ZNF487: variants seen among roughly 807,000 people sequenced by gnomAD.
The protein encoded by ZNF487 is KRAB domain only 1.
ZNF487 carries 4 observed loss-of-function variants against 3.0 expected under a neutral mutation model. The observed-to-expected ratio is 1.35, with a 90% CI of 0.66 to 3.08. The LOEUF is 3.08. Among genes scored for constraint, ZNF487 ranks in the 30% most tolerant of loss-of-function variants. The pLI is 0.01. For synonymous variants in ZNF487, 55 were observed against 34.6 expected (o/e 1.59, Z -2.06); for missense variants, 146 against 98.7 (o/e 1.48, Z -2.03).
chr10:43,479,144 T>C lies in ZNF487; in HGVS notation c.131-2285T>C, dbSNP rs1160685217. On this transcript the variant is annotated intron_variant, in intron 3 of 3. Transcript: ENST00000437590. Reference sequence around the variant, plus strand: ...ATGTGTGTATATATATATATAAATTTGTACTGATGAGGTCTTGCTGTGTTG... The same window carrying C: ...ATGTGTGTATATATATATATAAATTCGTACTGATGAGGTCTTGCTGTGTTG... 1.4e-4 allele frequency among the ~76,000 whole-genome samples: 21 copies of C among 151,308 alleles called. No individual in the cohort carries two copies. The Admixed American group carries it at 1.4e-3, about 10-fold the overall frequency.
intron 1 of ZNF487, among the ~76,000 whole-genome samples, chr10:43,469,352 C>T (rs1266061320): frequency 6.6e-6 from 1 of 151,952 alleles, no homozygotes; most frequent in East Asian, 1.9e-4. Context: ...GTGCACCACA[C>T]CCGGCTAATT....
chr10:43,488,492 C>G, the ZNF487 span, among the ~76,000 whole-genome samples: 3 of 152,040 alleles, frequency 2.0e-5, no homozygotes, highest in African/African-American at 7.2e-5. Context: ...TGCAACTGGT[C>G]ATAAAAGTGA....
the ZNF487 span, among the ~76,000 whole-genome samples, chr10:43,499,806 TGAGTATATA>T: frequency 1.5e-4 from 23 of 152,130 alleles, no homozygotes; most frequent in African/African-American, 5.1e-4. Context: ...AAAAATACTC[TGAGTATATA>T]GCAAGTTGGC....
Position 43,437,127 on chromosome 10 carries a change from G to C in ZNF487, c.-229G>C, listed in dbSNP as rs916773220. The C allele has an allele frequency of 3.3e-6, 1 of 301,964 alleles. No individual in the cohort carries two copies. Among genetic ancestry groups the C allele is most frequent in the African/African-American group, 2.4e-5 (1 of 42,264 alleles). 18.7% of individuals were successfully genotyped at this position (301,964 alleles called of 1,614,324 possible). A position where few individuals can be genotyped will look rare whatever the true frequency, so the allele number is the denominator to read the frequency against. Reference sequence around the variant, plus strand: ...GCCCCGCCCAGGGAGCGCTGCGGCAGTTTCCATGGTGAGATGGTCAACAAG... The same window carrying C: ...GCCCCGCCCAGGGAGCGCTGCGGCACTTTCCATGGTGAGATGGTCAACAAG... On this transcript the variant is annotated 5_prime_UTR_variant, in exon 1 of 4. Transcript: ENST00000437590.
At chr10:43,503,687 C>G in the ZNF487 span, among the ~76,000 whole-genome samples, 1 of 152,094 alleles carries the variant, frequency 6.6e-6, no homozygotes, top group Admixed American at 6.6e-5. Flanking sequence ...CTCACTGTAG[C>G]CTCAACTTCC....
Position 43,462,192 on chromosome 10 carries a change from C to T in ZNF487, c.-93-13529C>T, listed in dbSNP as rs1446444243. Among the ~76,000 whole-genome samples the T allele has an allele frequency of 7.2e-5, 11 of 152,180 alleles. No homozygotes were observed. The South Asian group carries it at 1.9e-3, about 26-fold the overall frequency. On this transcript the variant is annotated intron_variant, in intron 1 of 3. Coordinates refer to ENST00000437590, the MANE Select transcript of ZNF487 (RefSeq NM_001355444.3). The stretch of plus-strand genomic sequence containing the variant: ...TTGAGATGGAGTCTTGCTCTGTTGC[C>T]CAGGCTGGAGTGCAGTGGCACGACC...
intron 1 of ZNF487, among the ~76,000 whole-genome samples, chr10:43,463,486 C>T (rs1312118592): frequency 1.3e-5 from 2 of 151,600 alleles, no homozygotes; most frequent in African/African-American, 2.4e-5. Context: ...TGCAGTGAGC[C>T]GAGATCATGC....
intron 1 of ZNF487, among the ~76,000 whole-genome samples, 186 bp downstream of exon 1, chr10:43,437,448 G>C (rs1429543082): frequency 6.6e-6 from 1 of 152,138 alleles, no homozygotes; most frequent in Non-Finnish European, 1.5e-5. Flanking sequence ...CCACCCTAGA[G>C]AAGCGAGACA....
At chr10:43,471,449 T>C (rs547863319) in intron 1 of ZNF487, among the ~76,000 whole-genome samples, 41 of 152,270 alleles carry the variant, frequency 2.7e-4, no homozygotes, top group Admixed American at 2.6e-3. Context: ...TCTCGTTGCA[T>C]GGGGTGGCTG....
chr10:43,459,007 C>G (rs2095710126), intron 1 of ZNF487, among the ~76,000 whole-genome samples: 1 of 152,090 alleles, frequency 6.6e-6, no homozygotes, highest in South Asian at 2.1e-4. Flanking sequence ...GCTGGATCTG[C>G]CTGGTAGGGG....
chr10:43,465,266 G>A (rs553061681), intron 1 of ZNF487, among the ~76,000 whole-genome samples: 195 of 151,838 alleles, frequency 1.3e-3, no homozygotes, highest in Middle Eastern at 3.4e-3. Flanking sequence ...CCTCCCGGAC[G>A]GGGCGGCTGG....
chr10:43,438,088 C>T (rs893921401), intron 1 of ZNF487, among the ~76,000 whole-genome samples: 2 of 152,042 alleles, frequency 1.3e-5, no homozygotes, highest in Non-Finnish European at 2.9e-5. Context: ...TGGTCATATC[C>T]TTAAATACAT....
At chr10:43,459,484 A>C (rs117300620) in intron 1 of ZNF487, among the ~76,000 whole-genome samples, 5,185 of 151,416 alleles carry the variant, frequency 0.034, 114 homozygotes, top group South Asian at 0.042. Flanking sequence ...CCCACCTTGG[A>C]CTCCCCAAAT....
At chr10:43,504,581 C>T in the ZNF487 span, among the ~76,000 whole-genome samples, 1 of 152,080 alleles carries the variant, frequency 6.6e-6, no homozygotes, top group Non-Finnish European at 1.5e-5. Context: ...AGGCGTGAGC[C>T]ACCATGCCCG....
chr10:43,493,193 G>A, the ZNF487 span, among the ~76,000 whole-genome samples: 57 of 152,222 alleles, frequency 3.7e-4, no homozygotes, highest in Admixed American at 1.0e-3. Context: ...TTGCTCCATT[G>A]CACTCCAGCC....
chr10:43,448,709 G>A (rs12356024), intron 1 of ZNF487, among the ~76,000 whole-genome samples: 26,949 of 151,962 alleles, frequency 0.18, 2,581 homozygotes, highest in Non-Finnish European at 0.2. Context: ...CCCAGCTATC[G>A]GGGAGGCTGA....
the ZNF487 span, among the ~76,000 whole-genome samples, chr10:43,491,861 G>A: frequency 2.0e-5 from 3 of 151,890 alleles, no homozygotes; most frequent in Non-Finnish European, 2.9e-5. Flanking sequence ...TAAAATCAAG[G>A]ATATATGTAG....
intron 1 of ZNF487, among the ~76,000 whole-genome samples, chr10:43,444,594 A>G (rs1201282638): frequency 6.6e-6 from 1 of 151,474 alleles, no homozygotes; most frequent in African/African-American, 2.4e-5. Context: ...TTTGTTTTTG[A>G]GATTAGGTTT....
At chr10:43,469,582 C>A (rs1840832161) in intron 1 of ZNF487, among the ~76,000 whole-genome samples, 1 of 152,032 alleles carries the variant, frequency 6.6e-6, no homozygotes, top group Non-Finnish European at 1.5e-5. Context: ...TTCAAATGAT[C>A]CTCCCACTTC....
Sources: allele counts gnomAD v4.1 joint callset (sites outside exome capture counted in the v4.1 genomes callset), GRCh38; gene constraint gnomAD v4.1.1; transcripts MANE v1.5; gene names NCBI Gene and HGNC (gene_info 2026-07-23, HGNC 2026-07-21).